Variants in NCOR2 observed in about 807,000 individuals in gnomAD.
The protein encoded by NCOR2 is nuclear receptor corepressor 2.
A neutral mutation model predicts 262.9 loss-of-function variants in NCOR2; 81 were observed. The observed-to-expected ratio is 0.31, with a 90% CI of 0.26 to 0.37. The LOEUF is 0.37. Among genes scored for constraint, NCOR2 ranks in the 10% least tolerant of loss-of-function variants. The probability of loss-of-function intolerance (pLI) is 1.00; values close to 1 mark genes in which losing one functional copy is unlikely to be tolerated. For missense variants in NCOR2, 3,385 were observed against 3,621.4 expected, an observed-to-expected ratio of 0.93 and a Z score of 1.68; for synonymous variants, 1,659 against 1,559.3, an observed-to-expected ratio of 1.06 and a Z score of -1.51.
At chr12:124,359,429 T>C (rs145392629) in intron 22 of NCOR2, among the ~76,000 whole-genome samples, 52 of 152,304 alleles carry the variant, frequency 3.4e-4, no homozygotes, top group Admixed American at 9.8e-4. Context: ...ATGTACCAAA[T>C]TGCCCCCAAT....
intron 14 of NCOR2, among the ~76,000 whole-genome samples, chr12:124,401,007 C>G (rs760898784): frequency 2.0e-5 from 3 of 152,116 alleles, no homozygotes; most frequent in Non-Finnish European, 2.9e-5. Flanking sequence ...GAGTTTAAGA[C>G]CAGCCTGGGC....
intron 30 of NCOR2, chr12:124,347,558 G>A (rs555960769): frequency 2.2e-6 from 1 of 457,876 alleles, no homozygotes; most frequent in East Asian, 3.4e-5. Flanking sequence ...TGGCACCTGG[G>A]TTAGTGCCAA....
intron 1 of NCOR2, among the ~76,000 whole-genome samples, chr12:124,518,703 A>G (rs2049986466): frequency 6.6e-6 from 1 of 152,258 alleles, no homozygotes; most frequent in South Asian, 2.1e-4. Flanking sequence ...CTTCCAGCCG[A>G]CACTCGGGAG....
intron 41 of NCOR2, 108 bp downstream of exon 43, chr12:124,334,316 C>T: frequency 2.7e-6 from 2 of 741,860 alleles, no homozygotes; most frequent in Admixed American, 3.3e-5. Flanking sequence ...TGCAATGGCA[C>T]CAGGCGGGCC....
chr12:124,420,918 A>C (rs2043165090), intron 12 of NCOR2, among the ~76,000 whole-genome samples: 1 of 152,258 alleles, frequency 6.6e-6, no homozygotes, highest in Non-Finnish European at 1.5e-5. Flanking sequence ...CCTCCTGCCA[A>C]GTACGACCGC....
intron 13 of NCOR2, among the ~76,000 whole-genome samples, chr12:124,406,478 CAT>C (rs2042282546): frequency 1.3e-5 from 2 of 152,154 alleles, no homozygotes; most frequent in African/African-American, 4.8e-5. Flanking sequence ...TCACAAGGCA[CAT>C]AAAGGACTCT....
chr12:124,534,222 C>T (rs756929530), intron 1 of NCOR2, among the ~76,000 whole-genome samples: 5 of 152,068 alleles, frequency 3.3e-5, no homozygotes, highest in African/African-American at 1.2e-4. Context: ...TTTGGGAGGC[C>T]GAGGCAGGAG....
exon 28 of NCOR2, chr12:124,350,637 T>C: frequency 1.2e-6 from 2 of 1,614,028 alleles, no homozygotes; most frequent in Non-Finnish European, 1.7e-6. Context: ...GACGTGGCCC[T>C]TGGGCAGGCT....
Position 124,509,245 on chromosome 12 carries a change from G to GGGGGC in NCOR2, c.-117-13882_-117-13878dup, listed in dbSNP as rs1555234157. 4.2e-5 allele frequency among the ~76,000 whole-genome samples: 6 copies of GGGGGC among 144,472 alleles called. 2 individuals are homozygous for GGGGGC. Among genetic ancestry groups the GGGGGC allele is most frequent in the African/African-American group, 1.7e-4 (6 of 34,378 alleles). 94.8% of individuals were successfully genotyped at this position (144,472 alleles called of 152,430 possible). On this transcript the variant is annotated intron_variant, in intron 1 of 46. Coordinates refer to the NCOR2 transcript ENST00000404621. Reference sequence around the variant, plus strand: ...TGGCACTGGCTTTGGTGGGGGGGGGGGGGGCTTAACTCTGAACTCTCAAGC... The same window carrying GGGGGC: ...TGGCACTGGCTTTGGTGGGGGGGGGGGGGGCGGGGCTTAACTCTGAACTCTCAAGC...
Position 124,451,186 on chromosome 12 carries a change from C to G in NCOR2, c.763-1319G>C, listed in dbSNP as rs149578323. Among the ~76,000 whole-genome samples, 542 of 152,366 alleles carry G rather than the reference C, an allele frequency of 3.6e-3. 4 individuals carry two copies. Among genetic ancestry groups the G allele is most frequent in the African/African-American group, 0.012 (514 of 41,580 alleles). Reference sequence around the variant, plus strand: ...AAGCGGGCAGAGAGGCAAGGAGCAGCGTGGTGCAACCCAGCCTGGGCTGAT... The same window carrying G: ...AAGCGGGCAGAGAGGCAAGGAGCAGGGTGGTGCAACCCAGCCTGGGCTGAT... On this transcript the variant is annotated intron_variant, in intron 6 of 46. Transcript: ENST00000405201.
chr12:124,329,400 G>A (rs1041791088), intron 44 of NCOR2, among the ~76,000 whole-genome samples: 2 of 152,188 alleles, frequency 1.3e-5, no homozygotes, highest in South Asian at 2.1e-4. Flanking sequence ...GGCAGAGGCT[G>A]CAGTGAGCCA....
At chr12:124,362,071 T>A (rs1483699376) in intron 22 of NCOR2, 55 bp downstream of exon 24, 2 of 1,244,546 alleles carry the variant, frequency 1.6e-6, no homozygotes, top group East Asian at 3.0e-5. Context: ...CAAACATCCC[T>A]TGCCCGTCAG....
chr12:124,442,972 G>A (rs979188536), intron 7 of NCOR2, among the ~76,000 whole-genome samples: 6 of 152,186 alleles, frequency 3.9e-5, no homozygotes, highest in Non-Finnish European at 8.8e-5. Context: ...GCCAAGGAAC[G>A]CCAAGGAGGC....
chr12:124,411,863 G>A (rs555931591), intron 13 of NCOR2, among the ~76,000 whole-genome samples: 3 of 152,344 alleles, frequency 2.0e-5, no homozygotes, highest in South Asian at 4.1e-4. Flanking sequence ...GCCAGGTTCC[G>A]GGAGGTGGGG....
rs768507890 is a variant in NCOR2, at chr12:124,454,245, C to T, written c.762+2861G>A. On this transcript the variant is annotated intron_variant, in intron 6 of 46. Transcript: ENST00000405201. The surrounding 1 kb of genome is among the most constrained non-coding windows in gnomAD (Gnocchi z 5.6). ...ACTGAGCCTCATCCAGAAAATGGGA[C>T]GGCAACAGCTCTGTGAGGCGTCCTC... 2.0e-5 allele frequency among the ~76,000 whole-genome samples: 3 copies of T among 152,168 alleles called. No homozygotes were observed. Among genetic ancestry groups the T allele is most frequent in the Non-Finnish European group, 4.4e-5 (3 of 68,036 alleles).
chr12:124,483,836 C>CCTGG lies in NCOR2; in HGVS notation c.234-64_234-63insCCAG, dbSNP rs2047630065. The CCTGG allele has an allele frequency of 4.1e-6, 6 of 1,464,398 alleles. No homozygotes were observed. Among genetic ancestry groups the CCTGG allele is most frequent in the Admixed American group, 2.3e-5 (1 of 43,804 alleles). 90.7% of individuals were successfully genotyped at this position (1,464,398 alleles called of 1,614,324 possible). On this transcript the variant is annotated intron_variant, in intron 2 of 46. Coordinates refer to ENST00000405201, the Ensembl canonical transcript of NCOR2. The surrounding 1 kb of genome is among the most constrained non-coding windows in gnomAD (Gnocchi z 6.3). ...TGCGGCTCTGAGAACTCCCGAGGCC[C>CCTGG]CGACCACCCTCTGCGCCGAGCATCT...
intron 18 of NCOR2, among the ~76,000 whole-genome samples, chr12:124,376,015 T>C (rs2039966060): frequency 6.6e-6 from 1 of 152,164 alleles, no homozygotes; most frequent in African/African-American, 2.4e-5. Flanking sequence ...CAGCGTGCGC[T>C]GGCTGGGCCG....
At chr12:124,370,359 T>G (rs2039399739) in intron 20 of NCOR2, among the ~76,000 whole-genome samples, 1 of 152,146 alleles carries the variant, frequency 6.6e-6, no homozygotes, top group Non-Finnish European at 1.5e-5. Flanking sequence ...CCTATAGAGA[T>G]CCGGGTGAAC....
intron 6 of NCOR2, 132 bp from the exon 9 acceptor site, chr12:124,449,999 G>A (rs1438152847): frequency 2.3e-6 from 2 of 868,272 alleles, no homozygotes; most frequent in Non-Finnish European, 3.5e-6. Flanking sequence ...AGGCAGGCAT[G>A]AAACAGAACA....
Sources: allele counts gnomAD v4.1 joint callset (sites outside exome capture counted in the v4.1 genomes callset), GRCh38; gene constraint gnomAD v4.1.1; non-coding constraint Gnocchi (gnomAD v3.1); transcripts MANE v1.5; gene names NCBI Gene and HGNC (gene_info 2026-07-23, HGNC 2026-07-21).